CNTNAP5: variants seen among roughly 807,000 people sequenced by gnomAD.
CNTNAP5 encodes the protein contactin associated protein family member 5.
Under a neutral mutation model 150.2 loss-of-function variants are expected in CNTNAP5, and 72 were observed. That is an observed-to-expected ratio of 0.48 (90% CI 0.40 to 0.58). The LOEUF is 0.58. Ranked by LOEUF, CNTNAP5 falls within the 20% of genes least tolerant of loss-of-function variation. The pLI is 0.00. For missense variants in CNTNAP5, 1,636 were observed against 1,626.2 expected, an observed-to-expected ratio of 1.01 and a Z score of -0.10; for synonymous variants, 672 against 619.8, an observed-to-expected ratio of 1.08 and a Z score of -1.25.
chr2:124,201,367 G>A (rs963559858), intron 1 of CNTNAP5, among the ~76,000 whole-genome samples: 3 of 152,172 alleles, frequency 2.0e-5, no homozygotes, highest in Non-Finnish European at 2.9e-5. Flanking sequence ...ATTGACATTC[G>A]AAAAAGAAGG....
chr2:124,254,933 A>C (rs1687269589), intron 3 of CNTNAP5, among the ~76,000 whole-genome samples: 1 of 152,190 alleles, frequency 6.6e-6, no homozygotes, highest in Admixed American at 6.5e-5. Flanking sequence ...CCACTAGATA[A>C]GATATTATCT....
chr2:124,590,735 G>A (rs1002791512), intron 11 of CNTNAP5, among the ~76,000 whole-genome samples: 1 of 152,058 alleles, frequency 6.6e-6, no homozygotes, highest in Non-Finnish European at 1.5e-5. Flanking sequence ...GGAAGAAACA[G>A]GACTGATACA....
intron 19 of CNTNAP5, among the ~76,000 whole-genome samples, chr2:124,861,705 T>G (rs543076427): frequency 6.6e-6 from 1 of 152,184 alleles, no homozygotes; most frequent in South Asian, 2.1e-4. Context: ...GGATAGGACC[T>G]TTAAAACTTC....
At chr2:124,869,569 T>A in intron 20 of CNTNAP5, 106 bp from the exon 21 acceptor site, 1 of 673,526 alleles carries the variant, frequency 1.5e-6, no homozygotes. Flanking sequence ...CAGAGGGGGG[T>A]CTGCTATCTG....
chr2:124,250,861 A>G (rs1230344377), intron 3 of CNTNAP5, among the ~76,000 whole-genome samples: 2 of 152,036 alleles, frequency 1.3e-5, no homozygotes, highest in South Asian at 4.1e-4. Flanking sequence ...TGCAATGGTA[A>G]CAATCAACAT....
intron 1 of CNTNAP5, among the ~76,000 whole-genome samples, chr2:124,204,498 C>A (rs1410904079): frequency 2.6e-5 from 4 of 152,182 alleles, no homozygotes; most frequent in East Asian, 1.9e-4. Context: ...GCAGAGCCCA[C>A]TACCCAGTAC....
At position 124,252,593 on chromosome 2, in the gene CNTNAP5, C is replaced by A. The variant is rs1381949494; in HGVS notation, c.381+10200C>A. ...CTAATGATTCCTTCATACACTCCCCCCTCATTCCACGTAATGTGTTTGAGT... is the reference window on the plus strand; with the variant it reads ...CTAATGATTCCTTCATACACTCCCCACTCATTCCACGTAATGTGTTTGAGT... On this transcript the variant is annotated intron_variant, in intron 3 of 23. Transcript: ENST00000682447. Among the ~76,000 whole-genome samples the A allele has an allele frequency of 2.0e-5, 3 of 152,272 alleles. No homozygotes were observed. In the South Asian group the frequency reaches 6.2e-4, roughly 32 times the overall value.
rs377290310 is a variant in CNTNAP5 at position 124,107,885 on chromosome 2, G to A, written c.82+82153G>A. 1.3e-4 allele frequency among the ~76,000 whole-genome samples: 20 copies of A among 152,302 alleles called. No homozygotes were observed. In the East Asian group the frequency reaches 3.3e-3, roughly 25 times the overall value. ...GTATCAATCAATATATGTAAGATGT[G>A]CATTGGTTCTGTCTGGTAGCTGGGA... On this transcript the variant is annotated intron_variant, in intron 1 of 23. Transcript: ENST00000682447.
intron 9 of CNTNAP5, among the ~76,000 whole-genome samples, chr2:124,524,709 T>C (rs547730157): frequency 3.9e-5 from 6 of 152,192 alleles, no homozygotes; most frequent in Non-Finnish European, 7.4e-5. Context: ...GCTGGTGTTA[T>C]ATAACACATC....
intron 3 of CNTNAP5, among the ~76,000 whole-genome samples, chr2:124,394,869 A>G (rs760190621): frequency 7.0e-4 from 106 of 152,170 alleles, no homozygotes; most frequent in Non-Finnish European, 1.1e-3. Flanking sequence ...TGAAGCTCCA[A>G]TTCAGGCTTA....
intron 1 of CNTNAP5, among the ~76,000 whole-genome samples, chr2:124,121,172 ATGC>A (rs1683552268): frequency 6.6e-6 from 1 of 152,018 alleles, no homozygotes; most frequent in Non-Finnish European, 1.5e-5. Flanking sequence ...ACAAACACAC[ATGC>A]ACACACGCAT....
intron 7 of CNTNAP5, among the ~76,000 whole-genome samples, chr2:124,475,459 C>G (rs1310889400): frequency 6.6e-6 from 1 of 152,012 alleles, no homozygotes; most frequent in Non-Finnish European, 1.5e-5. Context: ...TAACAGAGTG[C>G]CTTAAACGTT....
At chr2:124,607,139 A>G (rs1406219477) in intron 11 of CNTNAP5, among the ~76,000 whole-genome samples, 1 of 152,198 alleles carries the variant, frequency 6.6e-6, no homozygotes, top group Non-Finnish European at 1.5e-5. Flanking sequence ...ATTGTAATGA[A>G]GGATTCTAAA....
intron 13 of CNTNAP5, among the ~76,000 whole-genome samples, chr2:124,741,522 C>T (rs1398109968): frequency 2.6e-5 from 4 of 152,190 alleles, no homozygotes; most frequent in Non-Finnish European, 5.9e-5. Flanking sequence ...CAATTTCTTA[C>T]AATATAAAAA....
chr2:124,524,215 G>A, intron 8 of CNTNAP5, 88 bp from the exon 9 acceptor site: 7 of 1,380,572 alleles, frequency 5.1e-6, no homozygotes, highest in Non-Finnish European at 7.1e-6. Flanking sequence ...AGAATGGCAT[G>A]GACGGCAGCA....
At chr2:124,891,791 TG>T (rs1333942401) in intron 21 of CNTNAP5, among the ~76,000 whole-genome samples, 1 of 152,106 alleles carries the variant, frequency 6.6e-6, no homozygotes, top group Admixed American at 6.5e-5. Context: ...TTGTTGTTTT[TG>T]TTTTTGAGGA....
chr2:124,326,604 G>A (rs990946844), intron 3 of CNTNAP5, among the ~76,000 whole-genome samples: 1 of 152,012 alleles, frequency 6.6e-6, no homozygotes, highest in Non-Finnish European at 1.5e-5. Context: ...GTGACCTAAG[G>A]CCTACTTCAG....
In CNTNAP5 at chr2:124,786,460, A is replaced by G. The variant is rs866895558; in HGVS notation, c.2753-3442A>G. Reference sequence around the variant, plus strand: ...GAAGGAAGGAAGGAAAGAAAGAAAGAAAGAAAGGAAGGAAGGAAGGAAGGA... The same window carrying G: ...GAAGGAAGGAAGGAAAGAAAGAAAGGAAGAAAGGAAGGAAGGAAGGAAGGA... On this transcript the variant is annotated intron_variant, in intron 17 of 23. Transcript: ENST00000682447. 7.0e-3 allele frequency among the ~76,000 whole-genome samples: 757 copies of G among 108,212 alleles called. 19 individuals carry two copies. Among genetic ancestry groups the G allele is most frequent in the African/African-American group, 0.022 (453 of 20,414 alleles). 71.0% of individuals were successfully genotyped at this position (108,212 alleles called of 152,430 possible).
intron 3 of CNTNAP5, among the ~76,000 whole-genome samples, chr2:124,272,975 T>C (rs946385077): frequency 2.6e-5 from 4 of 152,224 alleles, no homozygotes; most frequent in African/African-American, 9.6e-5. Context: ...GCTTAGTTCT[T>C]GACCCTCTTC....
Sources: allele counts gnomAD v4.1 joint callset (sites outside exome capture counted in the v4.1 genomes callset), GRCh38; gene constraint gnomAD v4.1.1; transcripts MANE v1.5; gene names NCBI Gene and HGNC (gene_info 2026-07-23, HGNC 2026-07-21).